The following RCAN2 variants were observed in gnomAD, a reference collection of about 807,000 sequenced individuals.
RCAN2 encodes regulator of calcineurin 2, also known as calcipressin-2.
Under a neutral mutation model 23.6 loss-of-function variants are expected in RCAN2, and 9 were observed. The observed-to-expected ratio is 0.38, with a 90% CI of 0.23 to 0.67. The LOEUF (loss-of-function observed/expected upper bound fraction) is 0.67. Ranked by LOEUF, RCAN2 falls within the 30% of genes least tolerant of loss-of-function variation. The probability of loss-of-function intolerance (pLI) is 0.51; values close to 1 mark genes in which losing one functional copy is unlikely to be tolerated. For synonymous variants in RCAN2, 109 were observed against 115.7 expected, an observed-to-expected ratio of 0.94 and a Z score of 0.37; for missense variants, 273 against 302.3, an observed-to-expected ratio of 0.90 and a Z score of 0.72.
At chr6:46,284,124 G>T (rs1361503547) in intron 2 of RCAN2, among the ~76,000 whole-genome samples, 4 of 152,288 alleles carry the variant, frequency 2.6e-5, no homozygotes, top group African/African-American at 7.2e-5. Context: ...AGCTTGAACA[G>T]TTGCCCTAAA....
rs1766527801 is a variant in RCAN2, at chr6:46,246,785, G to A, written c.534C>T (p.Asn178=). 6.2e-7 allele frequency: 1 copy of A among 1,613,662 alleles called. No individual in the cohort carries two copies. Among genetic ancestry groups the A allele is most frequent in the African/African-American group, 1.3e-5 (1 of 74,918 alleles). Reference sequence around the variant, plus strand: ...TGGCCACAGCATAGAGGAGGTCATAGTTGAGGACTGGCGTGGCATCGTTGA... The same window carrying A: ...TGGCCACAGCATAGAGGAGGTCATAATTGAGGACTGGCGTGGCATCGTTGA... ...QPINDATPVL[N]YDLLYAVAKL... is the part of the protein sequence containing the mutation. Residue 178 remains asparagine, a synonymous_variant, in exon 4 of 5, where the codon AAC becomes AAT. Coordinates refer to ENST00000371374, the MANE Select transcript of RCAN2 (RefSeq NM_001251974.2).
chr6:46,332,263 C>T (rs1301583542), intron 2 of RCAN2, among the ~76,000 whole-genome samples: 1 of 152,042 alleles, frequency 6.6e-6, no homozygotes, highest in Non-Finnish European at 1.5e-5. Flanking sequence ...CCTTCTCATA[C>T]ATCCTTATTG....
chr6:46,463,257 A>G (rs1484121562), intron 1 of RCAN2, among the ~76,000 whole-genome samples: 1 of 152,250 alleles, frequency 6.6e-6, no homozygotes, highest in African/African-American at 2.4e-5. Context: ...CGAAGCATAG[A>G]AAATAAGTTT....
At chr6:46,287,405 G>A (rs961801852) in intron 2 of RCAN2, among the ~76,000 whole-genome samples, 4 of 152,184 alleles carry the variant, frequency 2.6e-5, no homozygotes, top group Admixed American at 1.3e-4. Context: ...GATCACACAG[G>A]CCCCTGCCTG....
chr6:46,436,122 T>C (rs1767355548), intron 2 of RCAN2, among the ~76,000 whole-genome samples: 1 of 152,254 alleles, frequency 6.6e-6, no homozygotes, highest in South Asian at 2.1e-4. Flanking sequence ...GAAGTTCTTC[T>C]GAGGGTAGTG....
At chr6:46,435,683 A>G (rs1767343838) in intron 2 of RCAN2, among the ~76,000 whole-genome samples, 1 of 152,234 alleles carries the variant, frequency 6.6e-6, no homozygotes, top group Non-Finnish European at 1.5e-5. Context: ...TTACTCACAA[A>G]GAAGGCTTGG....
At chr6:46,274,783 A>G (rs937186966) in intron 2 of RCAN2, among the ~76,000 whole-genome samples, 3 of 152,188 alleles carry the variant, frequency 2.0e-5, no homozygotes, top group Non-Finnish European at 4.4e-5. Context: ...ATAGTTCTAG[A>G]GTGTAATGGA....
intron 4 of RCAN2, among the ~76,000 whole-genome samples, chr6:46,243,940 C>A (rs949986149): frequency 6.6e-6 from 1 of 151,912 alleles, no homozygotes; most frequent in Non-Finnish European, 1.5e-5. Flanking sequence ...TAATAGAAGG[C>A]CAGCTGGCGG....
At chr6:46,262,915 A>G (rs544414998) in intron 2 of RCAN2, among the ~76,000 whole-genome samples, 2 of 152,176 alleles carry the variant, frequency 1.3e-5, no homozygotes, top group Non-Finnish European at 2.9e-5. Context: ...GTCCTAGCTC[A>G]TATCTCAAAT....
At chr6:46,440,483 T>A (rs1378339138) in intron 2 of RCAN2, among the ~76,000 whole-genome samples, 1 of 152,106 alleles carries the variant, frequency 6.6e-6, no homozygotes, top group Non-Finnish European at 1.5e-5. Context: ...ATTTAAAACA[T>A]CTGTAAAACA....
At chr6:46,427,766 GA>G (rs1250580740) in intron 2 of RCAN2, among the ~76,000 whole-genome samples, 36 of 152,326 alleles carry the variant, frequency 2.4e-4, no homozygotes, top group African/African-American at 7.5e-4. Flanking sequence ...GAAACCAACA[GA>G]TAGACAATTC....
intron 2 of RCAN2, among the ~76,000 whole-genome samples, chr6:46,443,349 G>A (rs746041594): frequency 2.4e-4 from 37 of 151,894 alleles, no homozygotes; most frequent in Non-Finnish European, 5.0e-4. Context: ...TTCATATTTA[G>A]TCTTTGTTAC....
intron 2 of RCAN2, among the ~76,000 whole-genome samples, chr6:46,281,076 G>T (rs1402851251): frequency 2.6e-5 from 4 of 152,178 alleles, no homozygotes; most frequent in African/African-American, 9.7e-5. Flanking sequence ...TGGTCAGGAG[G>T]TTCCTGGAGA....
chr6:46,478,282 T>C (rs1768766109), intron 1 of RCAN2, among the ~76,000 whole-genome samples: 1 of 152,192 alleles, frequency 6.6e-6, no homozygotes, highest in Non-Finnish European at 1.5e-5. Flanking sequence ...ATGCACCCAG[T>C]GATAATCTCT....
chr6:46,349,762 T>C (rs571590464), intron 2 of RCAN2, among the ~76,000 whole-genome samples: 2 of 152,290 alleles, frequency 1.3e-5, no homozygotes, highest in South Asian at 4.1e-4. Flanking sequence ...ACCATCATTT[T>C]CTCTCACCTG....
At chr6:46,251,585 C>T (rs1054187981) in intron 2 of RCAN2, among the ~76,000 whole-genome samples, 6 of 152,106 alleles carry the variant, frequency 3.9e-5, no homozygotes, top group African/African-American at 1.2e-4. Flanking sequence ...AAGCGAGGTG[C>T]TTTTTCCTTT....
intron 2 of RCAN2, among the ~76,000 whole-genome samples, chr6:46,437,633 C>T (rs953892585): frequency 3.3e-5 from 5 of 152,148 alleles, no homozygotes; most frequent in African/African-American, 1.2e-4. Context: ...AGTCAATCGT[C>T]TCAGGAAAAA....
chr6:46,263,635 G>A (rs1767218860), intron 2 of RCAN2, among the ~76,000 whole-genome samples: 1 of 150,982 alleles, frequency 6.6e-6, no homozygotes, highest in East Asian at 1.9e-4. Flanking sequence ...ATTTGTGTAT[G>A]TGGAAATAAG....
chr6:46,372,325 T>C (rs1765345408), intron 2 of RCAN2, among the ~76,000 whole-genome samples: 1 of 152,366 alleles, frequency 6.6e-6, no homozygotes, highest in East Asian at 1.9e-4. Context: ...AATTTAAGCA[T>C]TGCAATAATT....
Sources: gnomAD v4.1 joint callset for allele counts (sites outside exome capture counted in the v4.1 genomes callset) on GRCh38, gnomAD v4.1.1 for gene constraint, MANE v1.5 for transcripts, NCBI Gene and HGNC (gene_info 2026-07-23, HGNC 2026-07-21) for gene names.